LTN1: variants seen among roughly 807,000 people sequenced by gnomAD.
LTN1 encodes E3 ubiquitin-protein ligase listerin.
Under a neutral mutation model 201.2 loss-of-function variants are expected in LTN1, and 88 were observed. The ratio of observed to expected loss-of-function variants is 0.44; its 90% CI spans 0.37 to 0.52. LTN1 has a LOEUF of 0.52. Among genes scored for constraint, LTN1 ranks in the 20% least tolerant of loss-of-function variants. LTN1 has a pLI of 0.00. For missense variants in LTN1, 1,752 were observed against 2,038.7 expected (o/e 0.86, Z 2.71); for synonymous variants, 645 against 713.5 (o/e 0.90, Z 1.53).
At chr21:28,988,892 G>T (rs1300712826) in intron 1 of LTN1, among the ~76,000 whole-genome samples, 1 of 151,768 alleles carries the variant, frequency 6.6e-6, no homozygotes, top group South Asian at 2.1e-4. Context: ...TTGAACCCAG[G>T]GGGCAGAGAT....
chr21:28,971,754 C>T (rs1160920746), intron 6 of LTN1, among the ~76,000 whole-genome samples: 4 of 152,050 alleles, frequency 2.6e-5, no homozygotes, highest in Non-Finnish European at 5.9e-5. Flanking sequence ...GAAAATAAGA[C>T]ACCATGAGCA....
intron 9 of LTN1, among the ~76,000 whole-genome samples, chr21:28,968,941 C>T (rs1359122909): frequency 6.6e-6 from 1 of 150,504 alleles, no homozygotes; most frequent in Non-Finnish European, 1.5e-5. Flanking sequence ...GTTTTACAGG[C>T]CGGGCGCGGT....
chr21:28,981,432 G>C (rs1030943845), intron 5 of LTN1, 133 bp from the exon 6 acceptor site: 19 of 463,262 alleles, frequency 4.1e-5, no homozygotes, highest in African/African-American at 2.9e-4. Context: ...TATTTCCCCT[G>C]TGCCAACGCC....
chr21:28,992,757 C>G lies in LTN1; in HGVS notation c.42+7G>C. On this transcript the variant is annotated splice_region_variant and intron_variant, in intron 1 of 29. Transcript: ENST00000361371. ...CTCCCGGGTCGGCCGAGCCAGCCCC[C>G]GCTCACCCTCAGGTTCCCTTTAGTT... 6.2e-7 allele frequency: 1 copy of G among 1,614,106 alleles called. No individual in the cohort carries two copies.
intron 23 of LTN1, 142 bp from the exon 24 acceptor site, chr21:28,943,478 C>A: frequency 1.5e-6 from 1 of 680,482 alleles, no homozygotes; most frequent in Non-Finnish European, 2.5e-6. Flanking sequence ...ATAGCCAGGA[C>A]TATTGAAATA....
intron 24 of LTN1, among the ~76,000 whole-genome samples, chr21:28,941,629 G>A (rs752316563): frequency 5.9e-4 from 89 of 152,034 alleles, no homozygotes; most frequent in Non-Finnish European, 1.1e-3. Context: ...TTTAGAAAAC[G>A]TCTCTTTCAA....
intron 1 of LTN1, among the ~76,000 whole-genome samples, chr21:28,991,636 A>C (rs1042716594): frequency 6.6e-6 from 1 of 152,246 alleles, no homozygotes; most frequent in African/African-American, 2.4e-5. Context: ...CCTCATAAGA[A>C]CTTTTCAAAT....
Position 28,930,425 on chromosome 21 carries a change from G to A in LTN1, c.*23C>T. The A allele has an allele frequency of 6.3e-7, 1 of 1,586,362 alleles. No homozygotes were observed. The highest frequency in any genetic ancestry group is 2.2e-5 in the East Asian group (1 of 44,566). On this transcript the variant is annotated 3_prime_UTR_variant, in exon 30 of 30. Coordinates refer to ENST00000361371, the MANE Select transcript of LTN1 (RefSeq NM_015565.3). The stretch of plus-strand genomic sequence containing the variant: ...ATGCCTTTGTTTGATGTACTTCAGG[G>A]ATCCCTTCCAGTGAAAAAAATCTCA...
At chr21:28,938,070 T>C (rs1428351048) in intron 25 of LTN1, among the ~76,000 whole-genome samples, 2 of 152,116 alleles carry the variant, frequency 1.3e-5, no homozygotes, top group African/African-American at 2.4e-5. Context: ...ATAGAAATTA[T>C]AGGTTAAAGA....
intron 29 of LTN1, 140 bp downstream of exon 29, chr21:28,931,015 C>T (rs2084205857): frequency 3.7e-6 from 2 of 545,330 alleles, no homozygotes. Flanking sequence ...CTCCCATTAG[C>T]TACAATTAAG....
At chr21:28,936,462 A>T in intron 26 of LTN1, 64 bp downstream of exon 26, 1 of 1,324,960 alleles carries the variant, frequency 7.5e-7, no homozygotes. Flanking sequence ...CTCAGGGAAA[A>T]GTTTAATTCA....
chr21:28,960,427 C>A, intron 12 of LTN1, 90 bp downstream of exon 12: 12 of 968,390 alleles, frequency 1.2e-5, no homozygotes, highest in South Asian at 3.8e-5. Flanking sequence ...TATTTTTAAC[C>A]AATAACACAT....
chr21:28,970,683 A>G lies in LTN1; in HGVS notation c.1044T>C (p.Ile348=). 1 of 1,614,134 alleles carries G rather than the reference A, an allele frequency of 6.2e-7. No individual in the cohort carries two copies. The highest frequency in any genetic ancestry group is 8.5e-7 in the Non-Finnish European group (1 of 1,180,002). Residue 348 remains isoleucine (I), a synonymous_variant, in exon 8 of 30, where the codon ATT becomes ATC. Transcript: ENST00000361371. Reference sequence around the variant, plus strand: ...TAGCTAGACCCCGACCACCTTCACGAATCACAGTTGATAGCTTGGGAAACA... The same window carrying G: ...TAGCTAGACCCCGACCACCTTCACGGATCACAGTTGATAGCTTGGGAAACA... ...KSVFPKLSTV[I]REGGRGLATV...
chr21:28,991,061 C>T (rs868761652), intron 1 of LTN1, among the ~76,000 whole-genome samples: 2 of 151,630 alleles, frequency 1.3e-5, no homozygotes, highest in Non-Finnish European at 2.9e-5. Context: ...CACTTGAACC[C>T]GAGAGGCGGA....
intron 26 of LTN1, among the ~76,000 whole-genome samples, chr21:28,936,102 T>C (rs1489391821): frequency 6.6e-6 from 1 of 152,164 alleles, no homozygotes; most frequent in Non-Finnish European, 1.5e-5. Flanking sequence ...TCCTCAGATC[T>C]CCAAGGCATT....
intron 25 of LTN1, among the ~76,000 whole-genome samples, chr21:28,938,284 T>G (rs768193730): frequency 2.0e-5 from 3 of 152,200 alleles, no homozygotes; most frequent in Non-Finnish European, 4.4e-5. Context: ...TTAGGAGATA[T>G]ATGCTTAAAT....
At position 28,967,146 on chromosome 21, in the gene LTN1, G is replaced by A; in HGVS notation, c.1345C>T (p.Pro449Ser). The change falls in exon 10 of 30, where the codon CCA becomes TCA. Residue 449 changes from proline (P) to serine (S), a missense_variant. Physicochemically the swap from Pro to Ser is moderately conservative, Grantham distance 74 (BLOSUM62 -1). This residue lies in a region of LTN1 where 1,211 missense variants were observed against 1,312.8 expected (regional missense o/e 0.92). Transcript: ENST00000361371. The stretch of plus-strand genomic sequence containing the variant: ...AATAGCTGCCCATGTTGCAATCCTG[G>A]GTCTTTGAGAACTGCATCAATAAAA... ...IPFIDAVLKD[P>S]GLQHGQLFNH... is the part of the protein sequence containing the mutation. 1.2e-6 allele frequency: 2 copies of A among 1,613,048 alleles called. No homozygotes were observed. The highest frequency in any genetic ancestry group is 2.2e-5 in the South Asian group (2 of 90,914).
intron 8 of LTN1, 47 bp downstream of exon 8, chr21:28,970,505 C>T (rs1040317935): frequency 3.1e-6 from 4 of 1,297,868 alleles, no homozygotes; most frequent in Admixed American, 2.0e-5. Context: ...AGTATAAAAA[C>T]AAGAAAATCT....
At chr21:28,965,814 T>C in intron 11 of LTN1, 51 bp downstream of exon 11, 5 of 1,052,418 alleles carry the variant, frequency 4.8e-6, no homozygotes, top group Non-Finnish European at 7.0e-6. Flanking sequence ...GTTATAATAT[T>C]TCTATTCCCA....
Sources: gnomAD v4.1 joint callset for allele counts (sites outside exome capture counted in the v4.1 genomes callset) on GRCh38, gnomAD v4.1.1 for gene constraint, gnomAD v4.1.1 regional missense constraint, MANE v1.5 for transcripts, NCBI Gene and HGNC (gene_info 2026-07-23, HGNC 2026-07-21) for gene names.